Variants in NAALADL2 observed in about 807,000 individuals in gnomAD.
NAALADL2 encodes the protein inactive N-acetylated-alpha-linked acidic dipeptidase-like protein 2.
In NAALADL2, 76 loss-of-function variants were observed where a neutral mutation model predicts 87.2. The ratio of observed to expected loss-of-function variants is 0.87; its 90% confidence interval spans 0.72 to 1.05. The LOEUF is 1.05. Ranked by LOEUF, NAALADL2 falls within the 50% of genes least tolerant of loss-of-function variation. The pLI, the probability that NAALADL2 is intolerant of heterozygous loss-of-function variation, is 0.00. For missense variants in NAALADL2, 1,089 were observed against 945.8 expected (o/e 1.15, Z -1.99); for synonymous variants, 354 against 331.0 (o/e 1.07, Z -0.75).
rs1209611149 is a variant in NAALADL2, at chr3:175,806,363, T to C, written c.*3160T>C. The stretch of plus-strand genomic sequence containing the variant: ...GCCAGTGTTAAGTCAACAATCTAAA[T>C]CACCGTTTCTCAAAATGTGAAATTT... On this transcript the variant is annotated 3_prime_UTR_variant, in exon 14 of 14. Transcript: ENST00000454872. The C allele has an allele frequency of 6.6e-6, 1 of 151,906 alleles. No individual in the cohort carries two copies. Among genetic ancestry groups the C allele is most frequent in the Non-Finnish European group, 1.5e-5 (1 of 67,896 alleles). 9.4% of individuals were successfully genotyped at this position (151,906 alleles called of 1,614,324 possible). A position where few individuals can be genotyped will look rare whatever the true frequency, so the allele number is the denominator to read the frequency against.
chr3:174,884,418 G>A lies in NAALADL2; in HGVS notation c.43+24968G>A, dbSNP rs555994846. Among the ~76,000 whole-genome samples, 3 of 152,260 alleles carry A rather than the reference G, an allele frequency of 2.0e-5. No homozygotes were observed. The East Asian group carries it at 5.8e-4, about 29-fold the overall frequency. The stretch of plus-strand genomic sequence containing the variant: ...CATTCTATCAATCCAGCTGCTTCAG[G>A]ATGATGGGGAATGTGGTAGCACCAG... On this transcript the variant is annotated intron_variant, in intron 1 of 13. Transcript: ENST00000454872.
At chr3:175,367,680 G>C (rs1223974869) in intron 5 of NAALADL2, among the ~76,000 whole-genome samples, 1 of 152,112 alleles carries the variant, frequency 6.6e-6, no homozygotes, top group Non-Finnish European at 1.5e-5. Context: ...GTATAAGAAT[G>C]CTTGTGATTT....
At chr3:175,078,458 GAA>G (rs1717070481) in intron 1 of NAALADL2, among the ~76,000 whole-genome samples, 1 of 152,144 alleles carries the variant, frequency 6.6e-6, no homozygotes, top group Non-Finnish European at 1.5e-5. Flanking sequence ...TCACTCATAT[GAA>G]GTGTGCAATT....
intron 9 of NAALADL2, among the ~76,000 whole-genome samples, chr3:175,488,082 C>T (rs1446660259): frequency 7.2e-5 from 11 of 152,146 alleles, no homozygotes; most frequent in Admixed American, 1.3e-4. Context: ...GCATGAATAG[C>T]TGAGATATTC....
intron 2 of NAALADL2, among the ~76,000 whole-genome samples, chr3:175,169,818 T>C (rs1274762108): frequency 2.0e-5 from 3 of 151,808 alleles, no homozygotes; most frequent in Non-Finnish European, 4.4e-5. Context: ...TAGGAATAGA[T>C]ACCTGGAGAC....
chr3:174,832,296 C>T (rs1211227201), intron 3 of NAALADL2, among the ~76,000 whole-genome samples: 1 of 152,034 alleles, frequency 6.6e-6, no homozygotes, highest in Non-Finnish European at 1.5e-5. Context: ...CCCAGAGATT[C>T]TGGTATGTTT....
chr3:174,501,420 A>C (rs1437763211), intron 1 of NAALADL2, among the ~76,000 whole-genome samples: 3 of 152,152 alleles, frequency 2.0e-5, no homozygotes, highest in African/African-American at 7.2e-5. Flanking sequence ...AATGCTGGCC[A>C]CATAGAATGT....
At chr3:174,976,034 G>A (rs1177769099) in intron 1 of NAALADL2, among the ~76,000 whole-genome samples, 1 of 152,138 alleles carries the variant, frequency 6.6e-6, no homozygotes. Context: ...CTGTGGTAAT[G>A]TGTTATGCAA....
intron 9 of NAALADL2, among the ~76,000 whole-genome samples, chr3:175,481,589 A>G (rs564101813): frequency 6.6e-6 from 1 of 152,010 alleles, no homozygotes; most frequent in East Asian, 1.9e-4. Flanking sequence ...CTCAACAGTC[A>G]CAAGTCTAGG....
chr3:174,828,285 C>T (rs1722225545), intron 3 of NAALADL2, among the ~76,000 whole-genome samples: 1 of 152,216 alleles, frequency 6.6e-6, no homozygotes, highest in Admixed American at 6.5e-5. Flanking sequence ...TCACTTCTTT[C>T]CCCAAATGTT....
chr3:175,412,930 T>TTATTATTATTATTATTA (rs1560510690), intron 5 of NAALADL2, among the ~76,000 whole-genome samples: 5 of 18,688 alleles, frequency 2.7e-4, no homozygotes, highest in African/African-American at 9.7e-4. Context: ...TATTATTATT[T>TTATTATTATTATTATTA]TTGAGACGGA....
intron 2 of NAALADL2, among the ~76,000 whole-genome samples, chr3:175,231,716 G>A (rs952717317): frequency 6.6e-6 from 1 of 152,034 alleles, no homozygotes; most frequent in Non-Finnish European, 1.5e-5. Flanking sequence ...ATATAAAGCA[G>A]TCTTCGCATT....
chr3:175,117,087 C>T (rs4410454), intron 2 of NAALADL2, among the ~76,000 whole-genome samples: 91,841 of 151,852 alleles, frequency 0.6, 28,283 homozygotes, highest in African/African-American at 0.73. Flanking sequence ...GGATCCCTTC[C>T]TTACACCTTG....
intron 2 of NAALADL2, among the ~76,000 whole-genome samples, chr3:174,698,099 A>G (rs1273903918): frequency 1.3e-5 from 2 of 152,168 alleles, no homozygotes; most frequent in African/African-American, 4.8e-5. Context: ...CAAAAAAATA[A>G]TAATAAATAC....
chr3:175,317,918 G>A (rs1256008473), intron 4 of NAALADL2, among the ~76,000 whole-genome samples: 2 of 152,074 alleles, frequency 1.3e-5, no homozygotes, highest in African/African-American at 4.8e-5. Context: ...AAAAATGAAT[G>A]ATTTGACCCG....
intron 2 of NAALADL2, among the ~76,000 whole-genome samples, chr3:175,136,629 G>GTT (rs11432808): frequency 8.5e-4 from 128 of 151,262 alleles, no homozygotes; most frequent in South Asian, 7.1e-3. Context: ...TCAAAATCCA[G>GTT]TTTTTTTTTC....
intron 2 of NAALADL2, among the ~76,000 whole-genome samples, chr3:174,645,793 A>G (rs866695032): frequency 6.6e-6 from 1 of 152,214 alleles, no homozygotes; most frequent in South Asian, 2.1e-4. Flanking sequence ...TCATGCATAT[A>G]TTGAAGAGAA....
chr3:174,480,945 G>A (rs1717509161), intron 1 of NAALADL2, among the ~76,000 whole-genome samples: 1 of 152,074 alleles, frequency 6.6e-6, no homozygotes, highest in African/African-American at 2.4e-5. Flanking sequence ...TCTGAGATGG[G>A]CAGATAGGAG....
At chr3:174,552,787 C>A (rs990775999) in intron 2 of NAALADL2, among the ~76,000 whole-genome samples, 1 of 125,478 alleles carries the variant, frequency 8.0e-6, no homozygotes, top group Admixed American at 9.3e-5. Context: ...CAGAGTGAGA[C>A]CCTGCCTCAA....
Sources: allele counts gnomAD v4.1 joint callset (sites outside exome capture counted in the v4.1 genomes callset), GRCh38; gene constraint gnomAD v4.1.1; transcripts MANE v1.5; gene names NCBI Gene and HGNC (gene_info 2026-07-23, HGNC 2026-07-21).